Variants in A2ML1 observed in about 807,000 individuals in gnomAD.
The protein encoded by A2ML1 is alpha-2-macroglobulin like 1, also known as alpha-2-macroglobulin-like protein 1.
In A2ML1, 161 loss-of-function variants were observed where a neutral mutation model predicts 181.9. The ratio of observed to expected loss-of-function variants is 0.89; its 90% confidence interval spans 0.78 to 1.01. The LOEUF (loss-of-function observed/expected upper bound fraction) is 1.01, where lower values mean the gene tolerates loss of function less well. Ranked by LOEUF, A2ML1 falls within the 50% of genes least tolerant of loss-of-function variation. The probability of loss-of-function intolerance (pLI) is 0.00; values close to 1 mark genes in which losing one functional copy is unlikely to be tolerated. For missense variants in A2ML1, 1,670 were observed against 1,768.1 expected (o/e 0.94, Z 1.00); for synonymous variants, 663 against 666.8 (o/e 0.99, Z 0.09).
chr12:8,869,098 G>A (rs1326173324), intron 32 of A2ML1, 37 bp from the exon 33 acceptor site: 1 of 1,606,882 alleles, frequency 6.2e-7, no homozygotes, highest in Non-Finnish European at 8.5e-7. Context: ...GAAGGCTCTG[G>A]CTCTTAGTAT....
intron 12 of A2ML1, 23 bp from the exon 13 acceptor site, chr12:8,845,419 G>T (rs780881601): frequency 1.2e-6 from 2 of 1,612,370 alleles, no homozygotes; most frequent in South Asian, 2.2e-5. Flanking sequence ...CTGTGCAGTT[G>T]ATTCTTTTCT....
In A2ML1 at chr12:8,847,595, T is replaced by G. The variant is rs917780860; in HGVS notation, c.1730T>G (p.Val577Gly). The G allele has an allele frequency of 1.9e-6, 3 of 1,613,512 alleles. No homozygotes were observed. In the African/African-American group the frequency reaches 4.0e-5, roughly 22 times the overall value. ...TCCCAGCAGCTTCCAGGAGCAGAAG[T>G]GGAGCTGCAGCTGCAGGCAGCTCCC... ...SPSQQLPGAE[V>G]ELQLQAAPGS... The change falls in exon 15 of 36, where the codon GTG becomes GGG. Residue 577 changes from valine to glycine, a missense_variant. Val to Gly is a moderately radical substitution (Grantham distance 109). Transcript: ENST00000299698.
At chr12:8,834,622 C>T (rs1414901646) in intron 4 of A2ML1, 40 bp from the exon 5 acceptor site, 1 of 1,611,526 alleles carries the variant, frequency 6.2e-7, no homozygotes, top group African/African-American at 1.3e-5. Flanking sequence ...TTATTGCTGT[C>T]AACCTTCTTT....
chr12:8,866,934 G>A (rs1235298073), intron 29 of A2ML1, among the ~76,000 whole-genome samples: 2 of 151,826 alleles, frequency 1.3e-5, no homozygotes, highest in Non-Finnish European at 1.5e-5. Context: ...CTTTCCCCTT[G>A]TAATTTATAT....
At chr12:8,828,749 G>A (rs1943012329) in intron 3 of A2ML1, among the ~76,000 whole-genome samples, 7 of 152,156 alleles carry the variant, frequency 4.6e-5, no homozygotes, top group Admixed American at 4.6e-4. Flanking sequence ...CTCACCCAAG[G>A]CCCACGACAA....
At chr12:8,844,186 C>CA (rs753199717) in intron 12 of A2ML1, among the ~76,000 whole-genome samples, 62 of 146,740 alleles carry the variant, frequency 4.2e-4, no homozygotes, top group African/African-American at 1.3e-3. Flanking sequence ...TGGCCAGGAC[C>CA]AAAAAAAACA....
chr12:8,854,943 G>A, intron 22 of A2ML1, 112 bp downstream of exon 22: 2 of 1,147,958 alleles, frequency 1.7e-6, no homozygotes, highest in Non-Finnish European at 2.5e-6. Flanking sequence ...CGTCCAGGCT[G>A]GATTGCAGTG....
At chr12:8,829,333 A>T (rs4883183) in intron 3 of A2ML1, among the ~76,000 whole-genome samples, 29 of 152,008 alleles carry the variant, frequency 1.9e-4, no homozygotes, top group African/African-American at 5.6e-4. Context: ...GCTGACTCAG[A>T]GCATGTGTGA....
rs1197986746 is a variant in A2ML1, at chr12:8,854,165, C to T, written c.2628C>T (p.Asp876=). 9.3e-6 allele frequency: 15 copies of T among 1,605,046 alleles called. No individual in the cohort carries two copies. Among genetic ancestry groups the T allele is most frequent in the Non-Finnish European group, 1.3e-5 (15 of 1,175,478 alleles). Residue 876 remains aspartate, a synonymous_variant, in exon 21 of 36, where the codon GAC becomes GAT. Coordinates refer to ENST00000299698, the MANE Select transcript of A2ML1 (RefSeq NM_144670.6). ...TTACTATTAGTACAAAGATTCTGGACAGCAATGAACCATGTGGGGGCCAGA... is the reference window on the plus strand; with the variant it reads ...TTACTATTAGTACAAAGATTCTGGATAGCAATGAACCATGTGGGGGCCAGA... ...INFTISTKIL[D]SNEPCGGQKG... is the part of the protein sequence containing the mutation.
rs778607898 is a variant in A2ML1 at position 8,823,730 on chromosome 12, C to T, written c.257C>T (p.Pro86Leu). The T allele has an allele frequency of 3.1e-6, 5 of 1,613,720 alleles. No individual in the cohort carries two copies. Among genetic ancestry groups the T allele is most frequent in the Non-Finnish European group, 4.2e-6 (5 of 1,179,890 alleles). Residue 86 changes from proline to leucine, a missense_variant, in exon 3 of 36, where the codon CCT becomes CTT. Pro to Leu is a moderately conservative substitution (Grantham distance 98, BLOSUM62 -3). Transcript: ENST00000299698. ...CCCTTTCTTGGTCAGGTACCACCTC[C>T]TGCTGGTGGCACAGAAGAAGTGGCC... ...LHCISFLVPPPAGGTEEVATI... is the reference protein window; with the variant it reads ...LHCISFLVPPLAGGTEEVATI...
intron 31 of A2ML1, 37 bp downstream of exon 31, chr12:8,868,394 C>A (rs1293887776): frequency 6.2e-7 from 1 of 1,608,534 alleles, no homozygotes; most frequent in Admixed American, 1.7e-5. Flanking sequence ...CGGCAGAGCA[C>A]CTGGTCATAG....
At chr12:8,838,914 T>TAAAAA (rs11314317) in intron 9 of A2ML1, among the ~76,000 whole-genome samples, 199 bp from the exon 10 acceptor site, 1 of 110,698 alleles carries the variant, frequency 9.0e-6, no homozygotes, top group Non-Finnish European at 1.9e-5. Flanking sequence ...GACTCCATCT[T>TAAAAA]AAAAAAAAAA....
chr12:8,829,676 A>T, intron 3 of A2ML1, 51 bp from the exon 4 acceptor site: 1 of 1,475,144 alleles, frequency 6.8e-7, no homozygotes, highest in Non-Finnish European at 9.3e-7. Flanking sequence ...AAAAAAAAAA[A>T]TTCTGAGCCA....
At chr12:8,862,205 T>C (rs1944291414) in intron 28 of A2ML1, among the ~76,000 whole-genome samples, 1 of 152,184 alleles carries the variant, frequency 6.6e-6, no homozygotes, top group Non-Finnish European at 1.5e-5. Flanking sequence ...TTTTTTATTT[T>C]ACTTTTTATT....
intron 21 of A2ML1, 89 bp downstream of exon 21, chr12:8,854,338 T>C (rs1943989795): frequency 2.0e-6 from 3 of 1,488,932 alleles, no homozygotes; most frequent in Non-Finnish European, 9.0e-7. Flanking sequence ...ACAGCAACCA[T>C]ACTCCAGTCC....
At chr12:8,846,638 G>A (rs148461832) in intron 14 of A2ML1, among the ~76,000 whole-genome samples, 3 of 152,026 alleles carry the variant, frequency 2.0e-5, no homozygotes, top group South Asian at 2.1e-4. Flanking sequence ...TGGTGAAACC[G>A]TGTCTCTACT....
At chr12:8,879,360 A>G (rs575320987), downstream of A2ML1, among the ~76,000 whole-genome samples, 630 of 151,412 alleles carry the variant, frequency 4.2e-3, 8 homozygotes, top group Middle Eastern at 6.8e-3. Context: ...GCGTGGTGGC[A>G]TGCGCCTGTA....
At chr12:8,862,004 C>A (rs1021388144) in intron 28 of A2ML1, among the ~76,000 whole-genome samples, 1 of 152,052 alleles carries the variant, frequency 6.6e-6, no homozygotes, top group African/African-American at 2.4e-5. Context: ...AGGTGATCCA[C>A]CTGCCTCGGC....
At position 8,868,741 on chromosome 12, in the gene A2ML1, T is replaced by C. The variant is rs1944518742; in HGVS notation, c.4152+114T>C. ...TGTATACACACACACACACAAGGCATGTATATACATACATATATATGTATG... is the reference window on the plus strand; with the variant it reads ...TGTATACACACACACACACAAGGCACGTATATACATACATATATATGTATG... On this transcript the variant is annotated intron_variant, in intron 32 of 35. Coordinates refer to ENST00000299698, the MANE Select transcript of A2ML1 (RefSeq NM_144670.6). 3 of 725,034 alleles carry C rather than the reference T, an allele frequency of 4.1e-6. 1 individual carries two copies. The highest frequency in any genetic ancestry group is 3.6e-5 in the African/African-American group (2 of 56,152). 44.9% of individuals were successfully genotyped at this position (725,034 alleles called of 1,614,324 possible).
Sources: gnomAD v4.1 joint callset for allele counts (sites outside exome capture counted in the v4.1 genomes callset) on GRCh38, gnomAD v4.1.1 for gene constraint, MANE v1.5 for transcripts, NCBI Gene and HGNC (gene_info 2026-07-23, HGNC 2026-07-21) for gene names.